The following ARID1B variants were observed in gnomAD, a reference collection of about 807,000 sequenced individuals.
ARID1B encodes AT-rich interactive domain-containing protein 1B.
In ARID1B, 30 loss-of-function variants were observed where a neutral mutation model predicts 212.3. The observed-to-expected ratio is 0.14, with a 90% CI of 0.11 to 0.19. ARID1B has a LOEUF of 0.19. Ranked by LOEUF, ARID1B falls within the 10% of genes least tolerant of loss-of-function variation. ARID1B has a pLI of 1.00. For missense variants in ARID1B, 2,891 were observed against 3,204.0 expected, an observed-to-expected ratio of 0.90 and a Z score of 2.36; for synonymous variants, 1,402 against 1,301.7, an observed-to-expected ratio of 1.08 and a Z score of -1.66.
At chr6:156,972,040 A>G (rs1776968400) in intron 4 of ARID1B, among the ~76,000 whole-genome samples, 1 of 152,162 alleles carries the variant, frequency 6.6e-6, no homozygotes, top group South Asian at 2.1e-4. Flanking sequence ...CAGAGTGAGC[A>G]TGGGCTGGGA....
At chr6:157,122,310 T>G (rs1787780465) in intron 6 of ARID1B, among the ~76,000 whole-genome samples, 1 of 152,218 alleles carries the variant, frequency 6.6e-6, no homozygotes, top group Non-Finnish European at 1.5e-5. Context: ...AATAGGAATT[T>G]TTCACTGATG....
intron 4 of ARID1B, among the ~76,000 whole-genome samples, chr6:156,991,947 T>G (rs1778298717): frequency 6.6e-6 from 1 of 152,210 alleles, no homozygotes; most frequent in Non-Finnish European, 1.5e-5. Flanking sequence ...TTTGTAATCC[T>G]AATTTAATAA....
At chr6:156,913,013 C>T (rs1460967510) in intron 3 of ARID1B, among the ~76,000 whole-genome samples, 1 of 145,164 alleles carries the variant, frequency 6.9e-6, no homozygotes, top group African/African-American at 2.5e-5. Context: ...TGGCTCTTTT[C>T]ATACTTTCTT....
intron 1 of ARID1B, among the ~76,000 whole-genome samples, chr6:156,823,101 A>G (rs1782475453): frequency 6.6e-6 from 1 of 152,166 alleles, no homozygotes; most frequent in Non-Finnish European, 1.5e-5. Context: ...GTGCATCAGT[A>G]TTGAAGAAAT....
At chr6:157,198,525 A>G (rs2128364685) in intron 16 of ARID1B, 1 of 390,004 alleles carries the variant, frequency 2.6e-6, no homozygotes, top group Non-Finnish European at 4.7e-6. Context: ...CAGAGGCTCT[A>G]ACAAGTGCTT....
intron 4 of ARID1B, chr6:157,022,952 T>G (rs1371532902): frequency 2.1e-5 from 2 of 93,630 alleles, no homozygotes; most frequent in Non-Finnish European, 4.0e-5. Context: ...TTAACATTCT[T>G]CTGTTTTTAT....
intron 2 of ARID1B, among the ~76,000 whole-genome samples, chr6:156,871,301 T>C (rs1391263828): frequency 6.6e-6 from 1 of 152,182 alleles, no homozygotes; most frequent in Non-Finnish European, 1.5e-5. Flanking sequence ...TGGCATCCAG[T>C]AGGTGATGGA....
chr6:157,167,199 C>T lies in ARID1B; in HGVS notation c.3235+14C>T, dbSNP rs2128291342. 5 of 1,601,594 alleles carry T rather than the reference C, an allele frequency of 3.1e-6. No homozygotes were observed. The highest frequency in any genetic ancestry group is 4.2e-6 in the Non-Finnish European group (5 of 1,178,744). On this transcript the variant is annotated intron_variant, in intron 9 of 19. Transcript: ENST00000636930. ...ACAGCTCGGCAGGTAACCTTGGCAG[C>T]TCTGCGCTCCTGAGCCCCTCTCTCT...
intron 8 of ARID1B, chr6:157,166,083 C>T (rs897597267): frequency 6.6e-6 from 1 of 152,122 alleles, no homozygotes; most frequent in Non-Finnish European, 1.5e-5. Flanking sequence ...ATGCTCTTTA[C>T]GTAAGAAGAG....
rs752887638 is a variant in ARID1B, at chr6:156,955,131, G to C, written c.2247+19555G>C. On this transcript the variant is annotated intron_variant, in intron 4 of 19. Coordinates refer to ENST00000636930, the MANE Select transcript of ARID1B (RefSeq NM_001374828.1). This position sits in a 1 kb window ranked among gnomAD's most constrained non-coding sequence, Gnocchi z 4.2. ...TGCTCATCGACCCTTCCTGGCTGCT[G>C]TTGGACTGGGTCGGGGCTGTTGTTC... Among the ~76,000 whole-genome samples the C allele has an allele frequency of 6.6e-6, 1 of 152,238 alleles. No homozygotes were observed. Among genetic ancestry groups the C allele is most frequent in the Non-Finnish European group, 1.5e-5 (1 of 68,040 alleles).
At chr6:156,905,250 G>GCGCGCACACACACACACA (rs1554265935) in intron 3 of ARID1B, among the ~76,000 whole-genome samples, 263 of 143,838 alleles carry the variant, frequency 1.8e-3, no homozygotes, top group African/African-American at 5.4e-3. Flanking sequence ...ACATATGCAC[G>GCGCGCACACACACACACA]CACACACACA....
chr6:156,997,328 C>T (rs1778651752), intron 4 of ARID1B, among the ~76,000 whole-genome samples: 1 of 152,168 alleles, frequency 6.6e-6, no homozygotes. Flanking sequence ...AAACCCTGCA[C>T]TCTGTGTTAC....
intron 2 of ARID1B, among the ~76,000 whole-genome samples, chr6:156,848,520 T>C (rs996567430): frequency 6.6e-6 from 1 of 152,246 alleles, no homozygotes; most frequent in African/African-American, 2.4e-5. Context: ...ATGTTATCTT[T>C]TAATGTCTTC....
At chr6:157,056,210 A>G (rs1011564013) in intron 4 of ARID1B, among the ~76,000 whole-genome samples, 3 of 152,222 alleles carry the variant, frequency 2.0e-5, no homozygotes, top group Admixed American at 6.5e-5. Context: ...TTTAGGAACC[A>G]TCTTAAAAAT....
intron 4 of ARID1B, among the ~76,000 whole-genome samples, chr6:156,945,457 A>C (rs1415028490): frequency 1.3e-5 from 2 of 151,616 alleles, no homozygotes; most frequent in Non-Finnish European, 2.9e-5. Context: ...CCTGGGGACC[A>C]CCGAGTGTGC....
At chr6:156,959,068 G>C (rs764381612) in intron 4 of ARID1B, among the ~76,000 whole-genome samples, 2 of 152,108 alleles carry the variant, frequency 1.3e-5, no homozygotes, top group Non-Finnish European at 2.9e-5. Context: ...TGAGTCTGTG[G>C]GACTTGCCTA....
In ARID1B at chr6:156,969,468, G is replaced by C. The variant is rs146780613; in HGVS notation, c.2247+33892G>C. On this transcript the variant is annotated intron_variant, in intron 4 of 19. Transcript: ENST00000636930. ...GAGGAAGGAGTGCAGTCTGGGTTCAGAACACACAGCAGAACTCACTGTTTA... is the reference window on the plus strand; with the variant it reads ...GAGGAAGGAGTGCAGTCTGGGTTCACAACACACAGCAGAACTCACTGTTTA... Among the ~76,000 whole-genome samples, 753 of 152,272 alleles carry C rather than the reference G, an allele frequency of 4.9e-3. 4 individuals carry two copies. Among genetic ancestry groups the C allele is most frequent in the African/African-American group, 0.017 (717 of 41,556 alleles).
intron 2 of ARID1B, among the ~76,000 whole-genome samples, chr6:156,835,607 A>C (rs1783456958): frequency 6.6e-6 from 1 of 152,188 alleles, no homozygotes; most frequent in South Asian, 2.1e-4. Flanking sequence ...TATAGCGCCT[A>C]GTACTCTGCT....
At chr6:156,922,436 G>A (rs908205153) in intron 3 of ARID1B, among the ~76,000 whole-genome samples, 5 of 152,156 alleles carry the variant, frequency 3.3e-5, no homozygotes, top group South Asian at 2.1e-4. Context: ...GCCTCCCAAG[G>A]TGTTGGGATT....
Sources: allele counts gnomAD v4.1 joint callset (sites outside exome capture counted in the v4.1 genomes callset), GRCh38; gene constraint gnomAD v4.1.1; non-coding constraint Gnocchi (gnomAD v3.1); transcripts MANE v1.5; gene names NCBI Gene and HGNC (gene_info 2026-07-23, HGNC 2026-07-21).